The following LAMA2 variants were observed in gnomAD, a reference collection of about 807,000 sequenced individuals.
The protein encoded by LAMA2 is laminin subunit alpha-2.
LAMA2 carries 269 observed loss-of-function variants against 364.8 expected under a neutral mutation model. The observed-to-expected ratio is 0.74, with a 90% CI of 0.67 to 0.82. The LOEUF (loss-of-function observed/expected upper bound fraction) is 0.82, where lower values mean the gene tolerates loss of function less well. Among genes scored for constraint, LAMA2 ranks in the 40% least tolerant of loss-of-function variants. The probability of loss-of-function intolerance (pLI) is 0.00; values close to 1 mark genes in which losing one functional copy is unlikely to be tolerated. For synonymous variants in LAMA2, 1,379 were observed against 1,370.6 expected (o/e 1.01, Z -0.14); for missense variants, 3,807 against 3,873.2 (o/e 0.98, Z 0.45).
intron 53 of LAMA2, among the ~76,000 whole-genome samples, chr6:129,477,809 G>C (rs752819869): frequency 1.3e-5 from 2 of 152,066 alleles, no homozygotes; most frequent in Non-Finnish European, 2.9e-5. Context: ...TTGAGACAGG[G>C]ATCTCACTCT....
chr6:129,218,769 T>A (rs1326937231), intron 12 of LAMA2, among the ~76,000 whole-genome samples: 2 of 152,204 alleles, frequency 1.3e-5, no homozygotes, highest in Non-Finnish European at 1.5e-5. Flanking sequence ...GTTCATTTTC[T>A]ATATGTTATA....
intron 40 of LAMA2, among the ~76,000 whole-genome samples, chr6:129,423,278 C>G (rs1781168874): frequency 1.3e-5 from 2 of 152,002 alleles, no homozygotes; most frequent in African/African-American, 4.8e-5. Context: ...TATCTGCTTC[C>G]ATTACTTCCA....
At chr6:128,991,678 G>A (rs1783622988) in intron 1 of LAMA2, among the ~76,000 whole-genome samples, 2 of 152,156 alleles carry the variant, frequency 1.3e-5, no homozygotes, top group South Asian at 2.1e-4. Flanking sequence ...ACTTATGATT[G>A]ACTATGAAAT....
At chr6:129,410,671 G>A (rs749016494) in intron 40 of LAMA2, among the ~76,000 whole-genome samples, 3 of 152,120 alleles carry the variant, frequency 2.0e-5, no homozygotes, top group African/African-American at 4.8e-5. Flanking sequence ...TGGATGGATA[G>A]GTGGATAATA....
chr6:129,428,516 G>A (rs768874739), intron 41 of LAMA2, among the ~76,000 whole-genome samples: 14 of 152,154 alleles, frequency 9.2e-5, no homozygotes, highest in Non-Finnish European at 1.6e-4. Context: ...GTGCAGTGGT[G>A]CGATCTTGGC....
At chr6:129,401,916 T>A (rs974077281) in intron 38 of LAMA2, among the ~76,000 whole-genome samples, 1 of 152,150 alleles carries the variant, frequency 6.6e-6, no homozygotes, top group Non-Finnish European at 1.5e-5. Flanking sequence ...ATTTTAAAAC[T>A]AAACATGTGG....
At chr6:129,348,269 A>G (rs180880892) in intron 30 of LAMA2, among the ~76,000 whole-genome samples, 6 of 152,370 alleles carry the variant, frequency 3.9e-5, no homozygotes, top group Admixed American at 2.6e-4. Context: ...GATGTAACGC[A>G]TTAGAAGACA....
chr6:129,360,989 G>A (rs1777427164), intron 32 of LAMA2, among the ~76,000 whole-genome samples: 2 of 152,004 alleles, frequency 1.3e-5, no homozygotes, highest in African/African-American at 4.8e-5. Flanking sequence ...TCAACAAACT[G>A]ATTCAATTCC....
chr6:129,349,345 CG>C lies in LAMA2; in HGVS notation c.4486del (p.Ala1496LeufsTer99). 1 of 1,613,588 alleles carries C rather than the reference CG, an allele frequency of 6.2e-7. No homozygotes were observed. The highest frequency in any genetic ancestry group is 8.5e-7 in the Non-Finnish European group (1 of 1,179,626). On this transcript the variant is annotated frameshift_variant, in exon 31 of 65. Coordinates refer to ENST00000421865, the MANE Select transcript of LAMA2 (RefSeq NM_000426.4). LOFTEE classifies it high-confidence loss of function. ...GAAGGACTTGACGACTACCGCTGCA[CG>C]GCTTGTCCACGGGGATATGAAGGCC... ...VAEGLDDYRC[T>X]ACPRGYEGQY...
chr6:129,478,801 A>C lies in LAMA2; in HGVS notation c.7560A>C (p.Gly2520=). 6.2e-7 allele frequency: 1 copy of C among 1,613,310 alleles called. No homozygotes were observed. Residue 2520 remains glycine (G), a synonymous_variant, in exon 54 of 65, where the codon GGA becomes GGC. Coordinates refer to ENST00000421865, the MANE Select transcript of LAMA2 (RefSeq NM_000426.4). ...CCGATTATGTTGGTGTTACCAAAGG[A>C]TGTTCCCTGGAGGTTGGTCTGTTTT... The part of the protein sequence containing the change: ...SSPDYVGVTK[G]CSLENVYTVS...
rs761693027 is a variant in LAMA2, at chr6:129,516,238, G to C, written c.9260G>C (p.Cys3087Ser). The change falls in exon 65 of 65, where the codon TGC becomes TCC. Residue 3087 changes from cysteine (C) to serine (S), a missense_variant. Cys to Ser is a moderately radical substitution (Grantham distance 112). Transcript: ENST00000421865. ...GLTTSIPFRG[C>S]IRSLKLTKGT... ...ACAACCAGTATTCCGTTCCGAGGTT[G>C]CATCAGATCCCTGAAGCTCACCAAA... is the stretch of plus-strand genomic sequence containing the variant. 4 of 1,614,098 alleles carry C rather than the reference G, an allele frequency of 2.5e-6. No individual in the cohort carries two copies. The highest frequency in any genetic ancestry group is 3.4e-6 in the Non-Finnish European group (4 of 1,180,000).
intron 3 of LAMA2, among the ~76,000 whole-genome samples, chr6:129,081,918 C>G (rs1774082700): frequency 6.6e-6 from 1 of 152,046 alleles, no homozygotes; most frequent in Non-Finnish European, 1.5e-5. Context: ...GTGGAAAATG[C>G]TAAAACAACT....
chr6:128,937,344 A>C (rs1243444386), intron 1 of LAMA2, among the ~76,000 whole-genome samples: 4 of 152,000 alleles, frequency 2.6e-5, no homozygotes, highest in African/African-American at 7.2e-5. Context: ...TAGTGTCCTT[A>C]TCTGGGTTAG....
intron 33 of LAMA2, among the ~76,000 whole-genome samples, chr6:129,368,325 T>C (rs1034184877): frequency 2.0e-5 from 3 of 152,132 alleles, no homozygotes; most frequent in Non-Finnish European, 4.4e-5. Context: ...GGCAGTGGTG[T>C]GAATTAGATC....
intron 1 of LAMA2, chr6:128,929,710 T>A: frequency 2.1e-6 from 3 of 1,399,018 alleles, no homozygotes; most frequent in Non-Finnish European, 2.0e-6. Context: ...CGATGAAACC[T>A]CAAGGTCAGA....
At chr6:128,985,086 CTT>C (rs1783134610) in intron 1 of LAMA2, among the ~76,000 whole-genome samples, 1 of 152,052 alleles carries the variant, frequency 6.6e-6, no homozygotes, top group Admixed American at 6.6e-5. Flanking sequence ...TTTAAAAACT[CTT>C]TTCATAGACT....
chr6:129,089,376 C>T (rs1421931322), intron 3 of LAMA2, among the ~76,000 whole-genome samples: 1 of 152,066 alleles, frequency 6.6e-6, no homozygotes, highest in South Asian at 2.1e-4. Flanking sequence ...GTTCATCTTA[C>T]CTTGGTAAAT....
At chr6:129,239,458 T>C (rs1785244808) in intron 12 of LAMA2, among the ~76,000 whole-genome samples, 1 of 152,170 alleles carries the variant, frequency 6.6e-6, no homozygotes, top group African/African-American at 2.4e-5. Flanking sequence ...TACCCTACAA[T>C]AGAAATTTCA....
intron 1 of LAMA2, among the ~76,000 whole-genome samples, chr6:129,035,462 T>C (rs1786570600): frequency 6.6e-6 from 1 of 151,912 alleles, no homozygotes. Context: ...CAGTTGTCTG[T>C]TTATTTTGTT....
Sources: gnomAD v4.1 joint callset for allele counts (sites outside exome capture counted in the v4.1 genomes callset) on GRCh38, gnomAD v4.1.1 for gene constraint, MANE v1.5 for transcripts, NCBI Gene and HGNC (gene_info 2026-07-23, HGNC 2026-07-21) for gene names.